SPIDR: variants seen among roughly 807,000 people sequenced by gnomAD.
The protein encoded by SPIDR is DNA repair-scaffolding protein.
In SPIDR, 93 loss-of-function variants were observed where a neutral mutation model predicts 104.6. That is an observed-to-expected ratio of 0.89 (90% CI 0.75 to 1.06). SPIDR has a LOEUF of 1.06. Among genes scored for constraint, SPIDR ranks in the 50% least tolerant of loss-of-function variants. The pLI is 0.00. For synonymous variants in SPIDR, 431 were observed against 416.9 expected, an observed-to-expected ratio of 1.03 and a Z score of -0.41; for missense variants, 1,154 against 1,111.2, an observed-to-expected ratio of 1.04 and a Z score of -0.55.
intron 7 of SPIDR, among the ~76,000 whole-genome samples, chr8:47,439,837 C>G (rs1554695083): frequency 6.6e-6 from 1 of 152,180 alleles, no homozygotes; most frequent in Admixed American, 6.5e-5. Context: ...GTCCACATAA[C>G]TCTTCAACTG....
intron 14 of SPIDR, among the ~76,000 whole-genome samples, chr8:47,710,121 A>G (rs1012093082): frequency 1.9e-4 from 29 of 152,014 alleles, no homozygotes; most frequent in Non-Finnish European, 3.5e-4. Context: ...CAAGTGATCC[A>G]CCCGCCTTGG....
intron 11 of SPIDR, among the ~76,000 whole-genome samples, chr8:47,682,174 G>T (rs1434298730): frequency 6.9e-6 from 1 of 144,810 alleles, no homozygotes; most frequent in Non-Finnish European, 1.5e-5. Flanking sequence ...CATAAAAGAG[G>T]TTTTTATTAC....
intron 11 of SPIDR, among the ~76,000 whole-genome samples, chr8:47,681,490 G>A (rs913876644): frequency 3.3e-5 from 5 of 151,940 alleles, no homozygotes; most frequent in African/African-American, 7.2e-5. Flanking sequence ...TTGTTTAATC[G>A]CTTTATTTCT....
chr8:47,593,115 G>T (rs1404429628), intron 8 of SPIDR, among the ~76,000 whole-genome samples: 1 of 152,168 alleles, frequency 6.6e-6, no homozygotes, highest in Admixed American at 6.5e-5. Context: ...TCGAACTCCT[G>T]ACCTCAGGTG....
At chr8:47,657,623 G>A (rs999426111) in intron 10 of SPIDR, among the ~76,000 whole-genome samples, 3 of 152,064 alleles carry the variant, frequency 2.0e-5, no homozygotes, top group African/African-American at 7.2e-5. Flanking sequence ...TTGTTTACTA[G>A]TACATATAGT....
At position 47,260,980 on chromosome 8, in the gene SPIDR, C is replaced by A; in HGVS notation, c.22C>A (p.Arg8=). 8.1e-7 allele frequency: 1 copy of A among 1,230,422 alleles called. No homozygotes were observed. The highest frequency in any genetic ancestry group is 3.9e-5 in the South Asian group (1 of 25,452). 76.2% of individuals were successfully genotyped at this position (1,230,422 alleles called of 1,614,324 possible). A position where few individuals can be genotyped will look rare whatever the true frequency, so the allele number is the denominator to read the frequency against. Residue 8 remains arginine, a synonymous_variant, in exon 1 of 20, where the codon CGG becomes AGG. Transcript: ENST00000297423. ...GGAGATGCCCCGCGGCAGCCGCGCT[C>A]GGGGCTCTAAGGTAGGCTCTGGGGC... MPRGSRA[R]GSKRKRSWNT... is the part of the protein sequence containing the mutation.
intron 10 of SPIDR, among the ~76,000 whole-genome samples, chr8:47,657,388 T>C (rs1444129285): frequency 1.3e-5 from 2 of 152,198 alleles, no homozygotes; most frequent in Non-Finnish European, 2.9e-5. Flanking sequence ...TGAATGTTTT[T>C]CTGATGTTAG....
Position 47,592,133 on chromosome 8 carries a change from A to T in SPIDR, c.1098-3678A>T, listed in dbSNP as rs2061098027. 18 of 1,397,764 alleles carry T rather than the reference A, an allele frequency of 1.3e-5. No individual in the cohort carries two copies. In the East Asian group the frequency reaches 3.7e-4, roughly 28 times the overall value. The allele number at this position is 1,397,764 out of a possible 1,614,324, so 86.6% of individuals were successfully genotyped here. A position where few individuals can be genotyped will look rare whatever the true frequency, so the allele number is the denominator to read the frequency against. On this transcript the variant is annotated intron_variant, in intron 8 of 19. Transcript: ENST00000297423. ...CAGGAGAAGTGATGCACACTTGATGATCGGATCAATTTAAATATTATTCAT... is the reference window on the plus strand; with the variant it reads ...CAGGAGAAGTGATGCACACTTGATGTTCGGATCAATTTAAATATTATTCAT...
intron 8 of SPIDR, among the ~76,000 whole-genome samples, chr8:47,555,420 A>G (rs1185981412): frequency 1.3e-5 from 2 of 152,198 alleles, no homozygotes; most frequent in Non-Finnish European, 2.9e-5. Flanking sequence ...CATCACTAAA[A>G]TCTCACTGGG....
intron 16 of SPIDR, among the ~76,000 whole-genome samples, chr8:47,723,444 T>C (rs933147671): frequency 2.0e-4 from 29 of 148,264 alleles, no homozygotes; most frequent in East Asian, 1.4e-3. Context: ...TTTTTTTTTT[T>C]CTGGAGAAGG....
chr8:47,456,743 CTT>C (rs2073049588), intron 8 of SPIDR, among the ~76,000 whole-genome samples: 1 of 152,092 alleles, frequency 6.6e-6, no homozygotes, highest in South Asian at 2.1e-4. Context: ...AATTTGTAGT[CTT>C]TTCCTCACCC....
chr8:47,677,208 G>A (rs2076557546), intron 11 of SPIDR, among the ~76,000 whole-genome samples: 1 of 152,150 alleles, frequency 6.6e-6, no homozygotes, highest in African/African-American at 2.4e-5. Context: ...AGTGGCCTGT[G>A]CGGCACTTTA....
intron 8 of SPIDR, among the ~76,000 whole-genome samples, chr8:47,595,272 CTT>C (rs1214804225): frequency 1.3e-5 from 2 of 152,204 alleles, no homozygotes; most frequent in Middle Eastern, 3.2e-3. Flanking sequence ...AGTGTTTTCT[CTT>C]GTCCAAGGAC....
intron 7 of SPIDR, among the ~76,000 whole-genome samples, chr8:47,423,573 A>G (rs940548832): frequency 6.6e-6 from 1 of 152,128 alleles, no homozygotes; most frequent in Non-Finnish European, 1.5e-5. Flanking sequence ...CTGCACTGCT[A>G]TCTGGGCAAC....
intron 11 of SPIDR, among the ~76,000 whole-genome samples, chr8:47,677,265 C>G (rs2076563643): frequency 6.6e-6 from 1 of 152,178 alleles, no homozygotes; most frequent in Admixed American, 6.5e-5. Flanking sequence ...TGTCATAATT[C>G]TGTGTGTGAA....
At chr8:47,541,760 T>G (rs775588806) in intron 8 of SPIDR, among the ~76,000 whole-genome samples, 8 of 152,006 alleles carry the variant, frequency 5.3e-5, no homozygotes, top group Non-Finnish European at 7.4e-5. Flanking sequence ...TTAGCTGAGT[T>G]TGGTGGTGCA....
chr8:47,331,046 G>C (rs2048578245), intron 5 of SPIDR, among the ~76,000 whole-genome samples: 1 of 152,168 alleles, frequency 6.6e-6, no homozygotes, highest in Admixed American at 6.6e-5. Flanking sequence ...AGCCATTCTA[G>C]TAAGTATGTC....
intron 8 of SPIDR, among the ~76,000 whole-genome samples, chr8:47,512,757 A>G (rs1489319939): frequency 6.6e-6 from 1 of 152,232 alleles, no homozygotes; most frequent in African/African-American, 2.4e-5. Flanking sequence ...AGGACAGTTT[A>G]TAATCAAAGT....
At chr8:47,375,306 A>T (rs961282699) in intron 5 of SPIDR, among the ~76,000 whole-genome samples, 1 of 133,432 alleles carries the variant, frequency 7.5e-6, no homozygotes, top group Non-Finnish European at 1.5e-5. Context: ...CAGTGGTTCA[A>T]TCGTGGCTCA....
Sources: gnomAD v4.1 joint callset for allele counts (sites outside exome capture counted in the v4.1 genomes callset) on GRCh38, gnomAD v4.1.1 for gene constraint, MANE v1.5 for transcripts, NCBI Gene and HGNC (gene_info 2026-07-23, HGNC 2026-07-21) for gene names.